Variants in ZNF385B observed in about 807,000 individuals in gnomAD.
The protein encoded by ZNF385B is zinc finger protein 533.
A neutral mutation model predicts 39.2 loss-of-function variants in ZNF385B; 23 were observed. The observed-to-expected ratio is 0.59, with a 90% CI of 0.42 to 0.83. The LOEUF is 0.83. Among genes scored for constraint, ZNF385B ranks in the 40% least tolerant of loss-of-function variants. The probability of loss-of-function intolerance (pLI) is 0.00; values close to 1 mark genes in which losing one functional copy is unlikely to be tolerated. For missense variants in ZNF385B, 552 were observed against 598.9 expected (o/e 0.92, Z 0.82); for synonymous variants, 205 against 222.6 (o/e 0.92, Z 0.70).
At chr2:179,860,278 A>AG (rs1219317005) in intron 1 of ZNF385B, among the ~76,000 whole-genome samples, 1 of 152,012 alleles carries the variant, frequency 6.6e-6, no homozygotes, top group Non-Finnish European at 1.5e-5. Context: ...GCGTGGGGAG[A>AG]GGGGGGATAC....
chr2:179,493,763 G>GTATACATATGTATA (rs1559338006), intron 5 of ZNF385B, among the ~76,000 whole-genome samples: 11 of 85,310 alleles, frequency 1.3e-4, no homozygotes, highest in Admixed American at 2.2e-4. Context: ...ATACATATAT[G>GTATACATATGTATA]TATACATATA....
At chr2:179,672,696 T>A (rs1696188396) in intron 3 of ZNF385B, among the ~76,000 whole-genome samples, 1 of 152,160 alleles carries the variant, frequency 6.6e-6, no homozygotes, top group Non-Finnish European at 1.5e-5. Context: ...TTCCACCAAG[T>A]GAGGATGCAG....
At chr2:179,779,665 C>T (rs1453544877) in intron 1 of ZNF385B, among the ~76,000 whole-genome samples, 1 of 152,166 alleles carries the variant, frequency 6.6e-6, no homozygotes, top group African/African-American at 2.4e-5. Context: ...TGGATGAATT[C>T]CAAACACTTG....
intron 3 of ZNF385B, among the ~76,000 whole-genome samples, chr2:179,688,585 C>T (rs943195214): frequency 4.6e-5 from 7 of 152,172 alleles, no homozygotes; most frequent in Non-Finnish European, 8.8e-5. Flanking sequence ...TGCCAATGCT[C>T]TGAGGCTGTG....
chr2:179,600,191 C>A (rs552009054), intron 3 of ZNF385B, among the ~76,000 whole-genome samples: 1 of 152,242 alleles, frequency 6.6e-6, no homozygotes, highest in East Asian at 1.9e-4. Context: ...TAAGGCCAAC[C>A]ATCATTGCTT....
At chr2:179,707,938 G>A (rs1699737095) in intron 3 of ZNF385B, among the ~76,000 whole-genome samples, 2 of 152,206 alleles carry the variant, frequency 1.3e-5, no homozygotes, top group South Asian at 4.1e-4. Context: ...TACCCCTTCT[G>A]CAGAGGAATA....
chr2:179,710,739 G>A (rs2106382950), intron 3 of ZNF385B, among the ~76,000 whole-genome samples: 1 of 152,268 alleles, frequency 6.6e-6, no homozygotes, highest in Non-Finnish European at 1.5e-5. Context: ...CATAGACGGT[G>A]TGGTGTGCAG....
chr2:179,821,862 G>T (rs1707417242), intron 1 of ZNF385B, among the ~76,000 whole-genome samples: 1 of 152,060 alleles, frequency 6.6e-6, no homozygotes, highest in South Asian at 2.1e-4. Context: ...TAATCTGACT[G>T]CAGTGACAAA....
chr2:179,739,246 A>G (rs1394390838), intron 3 of ZNF385B, among the ~76,000 whole-genome samples: 1 of 152,208 alleles, frequency 6.6e-6, no homozygotes, highest in African/African-American at 2.4e-5. Flanking sequence ...TACACCATTT[A>G]TTGCATCCAC....
intron 3 of ZNF385B, among the ~76,000 whole-genome samples, chr2:179,723,737 T>G (rs976284252): frequency 6.6e-6 from 1 of 152,136 alleles, no homozygotes. Context: ...TATTTTTGAA[T>G]AAGGGGCTAG....
At chr2:179,465,269 A>G (rs959000284) in intron 6 of ZNF385B, among the ~76,000 whole-genome samples, 1 of 152,096 alleles carries the variant, frequency 6.6e-6, no homozygotes, top group African/African-American at 2.4e-5. Flanking sequence ...GCATTCCTCA[A>G]GATCATACTC....
intron 6 of ZNF385B, among the ~76,000 whole-genome samples, chr2:179,465,242 C>T (rs1271012624): frequency 6.6e-6 from 1 of 152,106 alleles, no homozygotes; most frequent in Non-Finnish European, 1.5e-5. Context: ...TATTCTTCTG[C>T]CTGTCCCTAA....
chr2:179,833,088 T>G (rs1708067161), intron 1 of ZNF385B, among the ~76,000 whole-genome samples: 3 of 152,176 alleles, frequency 2.0e-5, no homozygotes, highest in Admixed American at 6.5e-5. Context: ...TGTATGTACA[T>G]GTATATGTGT....
intron 5 of ZNF385B, among the ~76,000 whole-genome samples, chr2:179,486,587 A>C (rs2054591800): frequency 6.6e-6 from 1 of 152,224 alleles, no homozygotes; most frequent in African/African-American, 2.4e-5. Flanking sequence ...AAATATGCTA[A>C]TATTAAACAC....
chr2:179,803,405 G>C (rs2106556978), intron 1 of ZNF385B, among the ~76,000 whole-genome samples: 1 of 152,174 alleles, frequency 6.6e-6, no homozygotes, highest in Non-Finnish European at 1.5e-5. Flanking sequence ...TTTTACTAGT[G>C]CATGACTATA....
intron 3 of ZNF385B, among the ~76,000 whole-genome samples, chr2:179,756,348 C>A (rs375693436): frequency 2.0e-5 from 3 of 152,178 alleles, no homozygotes; most frequent in Admixed American, 1.3e-4. Flanking sequence ...CCAAGAGATC[C>A]GCTGTTAGTC....
chr2:179,535,642 A>G (rs2059516707), intron 4 of ZNF385B, among the ~76,000 whole-genome samples: 1 of 152,232 alleles, frequency 6.6e-6, no homozygotes, highest in Non-Finnish European at 1.5e-5. Context: ...TGATACTAGA[A>G]TTTCATGAAA....
chr2:179,480,309 T>C (rs1372532792), intron 6 of ZNF385B, among the ~76,000 whole-genome samples: 1 of 152,180 alleles, frequency 6.6e-6, no homozygotes, highest in Non-Finnish European at 1.5e-5. Context: ...TAAAGCAACA[T>C]TGTCTGAAAT....
At chr2:179,825,362 T>C (rs373476523) in intron 1 of ZNF385B, among the ~76,000 whole-genome samples, 183 of 151,946 alleles carry the variant, frequency 1.2e-3, no homozygotes, top group African/African-American at 4.1e-3. Flanking sequence ...GTGACAGATA[T>C]CAAAATAAAT....
Sources: gnomAD v4.1 joint callset for allele counts (sites outside exome capture counted in the v4.1 genomes callset) on GRCh38, gnomAD v4.1.1 for gene constraint, MANE v1.5 for transcripts, NCBI Gene and HGNC (gene_info 2026-07-23, HGNC 2026-07-21) for gene names.